The following APBA1 variants were observed in gnomAD, a reference collection of about 807,000 sequenced individuals.
The protein encoded by APBA1 is amyloid beta precursor protein binding family A member 1.
A neutral mutation model predicts 86.6 loss-of-function variants in APBA1; 55 were observed. That is an observed-to-expected ratio of 0.64 (90% confidence interval 0.51 to 0.80). APBA1 has a LOEUF of 0.80. Among genes scored for constraint, APBA1 ranks in the 30% least tolerant of loss-of-function variants. The pLI is 0.00. For synonymous variants in APBA1, 511 were observed against 493.9 expected, an observed-to-expected ratio of 1.03 and a Z score of -0.46; for missense variants, 1,090 against 1,183.0, an observed-to-expected ratio of 0.92 and a Z score of 1.15.
intron 1 of APBA1, among the ~76,000 whole-genome samples, chr9:69,589,772 G>A (rs1420227238): frequency 6.6e-6 from 1 of 152,130 alleles, no homozygotes; most frequent in Non-Finnish European, 1.5e-5. Context: ...TTTAAACTGG[G>A]ATTGGCTTTT....
chr9:69,467,747 T>C, intron 5 of APBA1, 76 bp downstream of exon 5: 3 of 1,554,272 alleles, frequency 1.9e-6, no homozygotes, highest in African/African-American at 1.4e-5. Context: ...ATATGTGGAG[T>C]TGTGGCCAGT....
At chr9:69,564,369 G>C (rs1836993279) in intron 1 of APBA1, among the ~76,000 whole-genome samples, 1 of 152,090 alleles carries the variant, frequency 6.6e-6, no homozygotes, top group Non-Finnish European at 1.5e-5. Flanking sequence ...TTTTCAACTG[G>C]AACATCTCTG....
intron 1 of APBA1, among the ~76,000 whole-genome samples, chr9:69,660,171 C>A (rs1823723299): frequency 6.6e-6 from 1 of 152,172 alleles, no homozygotes; most frequent in Admixed American, 6.5e-5. Context: ...AATTCCACTT[C>A]CAAGTCTATA....
chr9:69,606,479 CTTTTTTTTTTTTTT>C lies in APBA1; in HGVS notation c.-70+65660_-70+65673del, dbSNP rs35083481. Among the ~76,000 whole-genome samples, 81 of 50,896 alleles carry C rather than the reference CTTTTTTTTTTTTTT, an allele frequency of 1.6e-3. 3 individuals carry two copies. The highest frequency in any genetic ancestry group is 5.6e-3 in the South Asian group (5 of 898). 33.4% of individuals were successfully genotyped at this position (50,896 alleles called of 152,430 possible). On this transcript the variant is annotated intron_variant, in intron 1 of 12. Transcript: ENST00000265381. ...TTGACACAGTGAGTGAGGGAGCTAGCTTTTTTTTTTTTTTTTTTTTTTTTTTTTTTGAAATGGAG... is the reference window on the plus strand; with the variant it reads ...TTGACACAGTGAGTGAGGGAGCTAGCTTTTTTTTTTTTTTTTGAAATGGAG...
At chr9:69,439,977 CTGTT>C (rs1415295198) in intron 11 of APBA1, among the ~76,000 whole-genome samples, 1 of 152,164 alleles carries the variant, frequency 6.6e-6, no homozygotes, top group African/African-American at 2.4e-5. Flanking sequence ...GATGTCCTTT[CTGTT>C]TGTTAGTTTT....
intron 1 of APBA1, among the ~76,000 whole-genome samples, chr9:69,645,649 G>A (rs1200570517): frequency 1.3e-5 from 2 of 152,198 alleles, no homozygotes; most frequent in Non-Finnish European, 2.9e-5. Flanking sequence ...AGGGAGGGGG[G>A]AGCTCGTGCT....
At chr9:69,636,334 T>G (rs932979454) in intron 1 of APBA1, among the ~76,000 whole-genome samples, 1 of 152,188 alleles carries the variant, frequency 6.6e-6, no homozygotes, top group Non-Finnish European at 1.5e-5. Flanking sequence ...GGAGAACAGT[T>G]TGGAGGTTCC....
At chr9:69,432,439 C>T in intron 12 of APBA1, 97 bp downstream of exon 12, 1 of 1,265,520 alleles carries the variant, frequency 7.9e-7, no homozygotes, top group Non-Finnish European at 1.0e-6. Context: ...ACTCAGGGAG[C>T]TTTCCTGGAA....
At chr9:69,443,460 G>A (rs1191886132) in intron 10 of APBA1, among the ~76,000 whole-genome samples, 2 of 152,214 alleles carry the variant, frequency 1.3e-5, no homozygotes, top group South Asian at 4.2e-4. Flanking sequence ...CATCTTGTGG[G>A]AAATTTTGTT....
In APBA1 at chr9:69,516,572, C is replaced by T. The variant is rs769686525; in HGVS notation, c.639G>A (p.Leu213=). The T allele has an allele frequency of 1.9e-6, 3 of 1,601,074 alleles. No individual in the cohort carries two copies. In the Admixed American group the frequency reaches 5.0e-5, roughly 27 times the overall value. The change falls in exon 2 of 13, where the codon CTG becomes CTA. Residue 213 remains leucine, a synonymous_variant. Coordinates refer to ENST00000265381, the MANE Select transcript of APBA1 (RefSeq NM_001163.4). This position sits in a 1 kb window ranked among gnomAD's most constrained non-coding sequence, Gnocchi z 7.3. ...CGTCGCGCTCCTGCTCGTAGAGCCG[C>T]AGGCCGTCGCGTGCGTCCAGCTCGG... ...DAPELDARDG[L]RLYEQERDEA...
chr9:69,645,355 T>G (rs956069721), intron 1 of APBA1, among the ~76,000 whole-genome samples: 1 of 152,184 alleles, frequency 6.6e-6, no homozygotes, highest in Non-Finnish European at 1.5e-5. Flanking sequence ...GTTTAGTTAT[T>G]TGAAAACATC....
intron 1 of APBA1, among the ~76,000 whole-genome samples, chr9:69,560,661 T>C (rs1004078994): frequency 6.6e-6 from 1 of 152,190 alleles, no homozygotes; most frequent in South Asian, 2.1e-4. Context: ...AGAACCCTTA[T>C]CTGAAATGCT....
chr9:69,449,817 AG>A, intron 9 of APBA1, 21 bp from the exon 10 acceptor site: 1 of 1,601,432 alleles, frequency 6.2e-7, no homozygotes, highest in South Asian at 1.1e-5. Flanking sequence ...AAAAACATTT[AG>A]AAAACCTCCA....
chr9:69,431,440 G>C (rs1834592819), intron 12 of APBA1, 42 bp from the exon 13 acceptor site: 1 of 1,582,006 alleles, frequency 6.3e-7, no homozygotes, highest in Non-Finnish European at 8.7e-7. Flanking sequence ...CTGAGGCTGG[G>C]GGCTGGCTGC....
intron 1 of APBA1, among the ~76,000 whole-genome samples, chr9:69,654,304 A>G (rs1823564984): frequency 6.6e-6 from 1 of 152,016 alleles, no homozygotes; most frequent in African/African-American, 2.4e-5. Flanking sequence ...ACTTACTAAG[A>G]AAAAGAGAGA....
intron 1 of APBA1, among the ~76,000 whole-genome samples, chr9:69,604,574 A>G (rs7045100): frequency 0.99 from 142,369 of 143,374 alleles, 70,703 homozygotes; most frequent in Non-Finnish European, 1. Context: ...ACACATGAGG[A>G]TAAGTGGAGA....
At chr9:69,588,888 C>T (rs1210289199) in intron 1 of APBA1, among the ~76,000 whole-genome samples, 1 of 152,178 alleles carries the variant, frequency 6.6e-6, no homozygotes, top group African/African-American at 2.4e-5. Flanking sequence ...CAGTACAGTT[C>T]TACCTTATAT....
At chr9:69,600,642 T>C (rs917838168) in intron 1 of APBA1, among the ~76,000 whole-genome samples, 1 of 151,582 alleles carries the variant, frequency 6.6e-6, no homozygotes, top group Non-Finnish European at 1.5e-5. Flanking sequence ...CTACTAAAAA[T>C]AGAAAAATTA....
At position 69,618,694 on chromosome 9, in the gene APBA1, A is replaced by T. The variant is rs1289915672; in HGVS notation, c.-70+53459T>A. 2.0e-5 allele frequency among the ~76,000 whole-genome samples: 3 copies of T among 152,368 alleles called. No individual in the cohort carries two copies. In the East Asian group the frequency reaches 5.8e-4, roughly 29 times the overall value. Reference sequence around the variant, plus strand: ...AAGGAGCCATCATGGCTCAGGCCAGAAAAGAACCCAGCCTGAGAGTGAATT... The same window carrying T: ...AAGGAGCCATCATGGCTCAGGCCAGTAAAGAACCCAGCCTGAGAGTGAATT... On this transcript the variant is annotated intron_variant, in intron 1 of 12. Coordinates refer to ENST00000265381, the MANE Select transcript of APBA1 (RefSeq NM_001163.4).
Sources: allele counts gnomAD v4.1 joint callset (sites outside exome capture counted in the v4.1 genomes callset), GRCh38; gene constraint gnomAD v4.1.1; non-coding constraint Gnocchi (gnomAD v3.1); transcripts MANE v1.5; gene names NCBI Gene and HGNC (gene_info 2026-07-23, HGNC 2026-07-21).